KDR: variants seen among roughly 807,000 people sequenced by gnomAD.
KDR encodes kinase insert domain receptor.
Under a neutral mutation model 160.9 loss-of-function variants are expected in KDR, and 43 were observed. The ratio of observed to expected loss-of-function variants is 0.27; its 90% CI spans 0.21 to 0.34. KDR has a LOEUF of 0.34. Ranked by LOEUF, KDR falls within the 10% of genes least tolerant of loss-of-function variation. The pLI, the probability that KDR is intolerant of heterozygous loss-of-function variation, is 1.00. For synonymous variants in KDR, 617 were observed against 600.1 expected (o/e 1.03, Z -0.41); for missense variants, 1,469 against 1,666.4 (o/e 0.88, Z 2.06).
chr4:55,108,022 A>G (rs1284989467), intron 9 of KDR, 129 bp from the exon 10 acceptor site: 3 of 965,552 alleles, frequency 3.1e-6, no homozygotes, highest in East Asian at 5.1e-5. Flanking sequence ...TTCGAAGAAC[A>G]CCTAGATGTG....
chr4:55,117,276 T>C (rs1720760085), intron 3 of KDR, among the ~76,000 whole-genome samples: 1 of 152,192 alleles, frequency 6.6e-6, no homozygotes, highest in East Asian at 1.9e-4. Context: ...TTTCCTGACT[T>C]AGGAAGAAGT....
intron 18 of KDR, 37 bp from the exon 19 acceptor site, chr4:55,096,379 G>A: frequency 7.2e-7 from 1 of 1,387,844 alleles, no homozygotes. Flanking sequence ...TCATAGGTAT[G>A]GACATTTCCT....
chr4:55,110,419 G>A lies in KDR; in HGVS notation c.1239C>T (p.Val413=). The A allele has an allele frequency of 6.2e-7, 1 of 1,614,018 alleles. No homozygotes were observed. Among genetic ancestry groups the A allele is most frequent in the Non-Finnish European group, 8.5e-7 (1 of 1,179,942 alleles). Reference sequence around the variant, plus strand: ...TGGACTCACCATACACAACCAGAGAGACCACATGGCTCTGCTTCTCCTTTG... The same window carrying A: ...TGGACTCACCATACACAACCAGAGAAACCACATGGCTCTGCTTCTCCTTTG... ...PISKEKQSHV[V]SLVVYVPPQI... is the part of the protein sequence containing the mutation. The change falls in exon 9 of 30, where the codon GTC becomes GTT. Residue 413 remains valine, a synonymous_variant. Transcript: ENST00000263923.
intron 24 of KDR, 43 bp downstream of exon 24, chr4:55,089,647 TC>T: frequency 1.3e-6 from 2 of 1,556,708 alleles, no homozygotes; most frequent in Non-Finnish European, 1.8e-6. Flanking sequence ...ACTTTTGTCT[TC>T]CTCTTTGGAG....
Position 55,101,906 on chromosome 4 carries a change from T to C in KDR, c.2257A>G (p.Ile753Val), listed in dbSNP as rs761663218. 1.9e-5 allele frequency: 31 copies of C among 1,613,360 alleles called. 1 individual carries two copies. Among genetic ancestry groups the C allele is most frequent in the East Asian group, 2.2e-5 (1 of 44,862 alleles). Reference protein sequence around the residue: ...LGCAKVEAFFIIEGAQEKTNL... With the variant: ...LGCAKVEAFFVIEGAQEKTNL... The stretch of plus-strand genomic sequence containing the variant: ...TTTTTATCCCACTGACCTTCTATTA[T>C]GAAAAATGCCTCCACTTTTGCACAG... The change falls in exon 15 of 30, where the codon ATA becomes GTA. Residue 753 changes from isoleucine to valine, a missense_variant. This residue lies in a region of KDR where 118 missense variants were observed against 110.8 expected (regional missense o/e 1.06). Coordinates refer to ENST00000263923, the MANE Select transcript of KDR (RefSeq NM_002253.4).
chr4:55,125,212 G>A lies in KDR; in HGVS notation c.67+15C>T. On this transcript the variant is annotated intron_variant, in intron 1 of 29. Transcript: ENST00000263923. ...CCGACCTGTCTGCCTTCCTCCTCCAGAGTGGGCTCCTTACCCACAGAGGCG... is the reference window on the plus strand; with the variant it reads ...CCGACCTGTCTGCCTTCCTCCTCCAAAGTGGGCTCCTTACCCACAGAGGCG... The A allele has an allele frequency of 3.1e-6, 5 of 1,610,244 alleles. No individual in the cohort carries two copies. Among genetic ancestry groups the A allele is most frequent in the Non-Finnish European group, 4.2e-6 (5 of 1,178,470 alleles).
chr4:55,120,960 T>C, intron 2 of KDR, 137 bp downstream of exon 2: 1 of 625,466 alleles, frequency 1.6e-6, no homozygotes, highest in Non-Finnish European at 2.8e-6. Context: ...CATTATTACA[T>C]CAGTTCTTAG....
chr4:55,105,373 A>C (rs1316999104), intron 12 of KDR, among the ~76,000 whole-genome samples: 1 of 152,238 alleles, frequency 6.6e-6, no homozygotes, highest in Non-Finnish European at 1.5e-5. Flanking sequence ...ATAATATTCC[A>C]TTCAGCACAA....
At chr4:55,090,653 T>C (rs2110012372) in intron 22 of KDR, among the ~76,000 whole-genome samples, 1 of 152,206 alleles carries the variant, frequency 6.6e-6, no homozygotes, top group Middle Eastern at 3.4e-3. Context: ...CAGGTTGATT[T>C]TCTAGTGCAT....
rs772824384 is a variant in KDR, at chr4:55,106,692, T to C, written c.1531A>G (p.Asn511Asp). ...KNQFALIEGK[N>D]KTVSTLVIQA... is the part of the protein sequence containing the mutation. ...TTTTAAAACTTCAAACTCACTTTGT[T>C]TTTTCCTTCAATTAGAGCAAATTGA... The change falls in exon 11 of 30, where the codon AAC becomes GAC. Residue 511 changes from asparagine to aspartate, a missense_variant. By Grantham distance (23) the Asn-to-Asp change is conservative. Transcript: ENST00000263923. The C allele has an allele frequency of 1.9e-5, 30 of 1,565,782 alleles. No individual in the cohort carries two copies. Among genetic ancestry groups the C allele is most frequent in the Non-Finnish European group, 2.6e-5 (30 of 1,136,452 alleles).
intron 13 of KDR, 165 bp downstream of exon 13, chr4:55,104,478 A>T (rs374655467): frequency 1.1e-4 from 76 of 671,872 alleles, no homozygotes; most frequent in African/African-American, 1.1e-3. Flanking sequence ...ATATCATTTC[A>T]TTATTATTAG....
chr4:55,106,854 T>TTTAA (rs1218790505), intron 10 of KDR, 44 bp from the exon 11 acceptor site: 6 of 1,548,170 alleles, frequency 3.9e-6, no homozygotes, highest in Non-Finnish European at 5.4e-6. Flanking sequence ...TTAATTTTTC[T>TTTAA]TTAATTAGAG....
chr4:55,117,989 A>C (rs906183260), intron 3 of KDR, among the ~76,000 whole-genome samples: 4 of 152,192 alleles, frequency 2.6e-5, no homozygotes, highest in Non-Finnish European at 5.9e-5. Flanking sequence ...TATCAATCCC[A>C]AACTGCACAT....
Position 55,098,982 on chromosome 4 carries a change from A to AATTTATTT in KDR, c.2267-187_2267-180dup, listed in dbSNP as rs71930411. Reference sequence around the variant, plus strand: ...TCTACAGAATTCTTTTTTTGAATTTAATTTATTTATTTATTTATTTATTTA... The same window carrying AATTTATTT: ...TCTACAGAATTCTTTTTTTGAATTTAATTTATTTATTTATTTATTTATTTATTTATTTA... On this transcript the variant is annotated intron_variant, in intron 15 of 29. Coordinates refer to ENST00000263923, the MANE Select transcript of KDR (RefSeq NM_002253.4). Among the ~76,000 whole-genome samples, 920 of 143,030 alleles carry AATTTATTT rather than the reference A, an allele frequency of 6.4e-3. 3 individuals are homozygous for AATTTATTT. Among genetic ancestry groups the AATTTATTT allele is most frequent in the East Asian group, 0.016 (72 of 4,490 alleles). The allele number at this position is 143,030 out of a possible 152,430, so 93.8% of individuals were successfully genotyped here.
Position 55,079,617 on chromosome 4 carries a change from T to G in KDR, c.*324A>C. 2.3e-6 allele frequency: 1 copy of G among 437,552 alleles called. No individual in the cohort carries two copies. The highest frequency in any genetic ancestry group is 1.9e-5 in the African/African-American group (1 of 51,410). The allele number at this position is 437,552 out of a possible 1,614,324, so 27.1% of individuals were successfully genotyped here. On this transcript the variant is annotated 3_prime_UTR_variant, in exon 30 of 30. Transcript: ENST00000263923. ...TGTCAGCTCCCCAGGTACTGCTACTTCTTTGAGGATGGGGCCATTTCTTGA... is the reference window on the plus strand; with the variant it reads ...TGTCAGCTCCCCAGGTACTGCTACTGCTTTGAGGATGGGGCCATTTCTTGA...
At chr4:55,098,393 G>T (rs1275235694) in intron 16 of KDR, 121 bp from the exon 17 acceptor site, 4 of 1,194,404 alleles carry the variant, frequency 3.3e-6, no homozygotes, top group Non-Finnish European at 4.9e-6. Context: ...AACTCATGGA[G>T]TTTGAGAGTG....
At position 55,104,792 on chromosome 4, in the gene KDR, T is replaced by C. The variant is rs1190244058; in HGVS notation, c.1838A>G (p.Asn613Ser). The change falls in exon 13 of 30, where the codon AAT (asparagine) becomes AGT (serine). Residue 613 changes from asparagine to serine, a missense_variant. By Grantham distance (46) the Asn-to-Ser change is conservative. Around this residue, in one of 7 missense-constraint regions of KDR, gnomAD observed 792 missense variants for 840.9 expected, o/e 0.94. Transcript: ENST00000263923. ...CKNLDTLWKL[N>S]ATMFSNSTND... is the part of the protein sequence containing the mutation. The stretch of plus-strand genomic sequence containing the variant: ...TGTGCTATTAGAGAACATGGTGGCA[T>C]TCAATTTCCAAAGAGTATCCAAGTT... 4 of 1,614,018 alleles carry C rather than the reference T, an allele frequency of 2.5e-6. No individual in the cohort carries two copies. Among genetic ancestry groups the C allele is most frequent in the East Asian group, 4.5e-5 (2 of 44,874 alleles).
At position 55,106,825 on chromosome 4, in the gene KDR, T is replaced by C. The variant is rs1423305400; in HGVS notation, c.1413-15A>G. On this transcript the variant is annotated splice_polypyrimidine_tract_variant and intron_variant, in intron 10 of 29. Transcript: ENST00000263923. ...AGACAGCTTGGCTATAAGAAAGAGATAACAGCGCATATTATGATTTAATTT... is the reference window on the plus strand; with the variant it reads ...AGACAGCTTGGCTATAAGAAAGAGACAACAGCGCATATTATGATTTAATTT... The C allele has an allele frequency of 6.3e-7, 1 of 1,598,120 alleles. No individual in the cohort carries two copies. Among genetic ancestry groups the C allele is most frequent in the Admixed American group, 1.7e-5 (1 of 59,962 alleles).
At chr4:55,084,420 G>C (rs1017840122) in intron 27 of KDR, among the ~76,000 whole-genome samples, 1 of 152,194 alleles carries the variant, frequency 6.6e-6, no homozygotes, top group African/African-American at 2.4e-5. Flanking sequence ...AATCAACTAG[G>C]GTTGGCGAGT....
Sources: gnomAD v4.1 joint callset for allele counts (sites outside exome capture counted in the v4.1 genomes callset) on GRCh38, gnomAD v4.1.1 for gene constraint, gnomAD v4.1.1 regional missense constraint, MANE v1.5 for transcripts, NCBI Gene and HGNC (gene_info 2026-07-23, HGNC 2026-07-21) for gene names.